Variants in SLC8A1 observed in about 807,000 individuals in gnomAD.
The protein encoded by SLC8A1 is solute carrier family 8 member A1, also known as sodium/calcium exchanger 1.
In SLC8A1, 18 loss-of-function variants were observed where a neutral mutation model predicts 68.3. The observed-to-expected ratio is 0.26, with a 90% CI of 0.18 to 0.39. The LOEUF (loss-of-function observed/expected upper bound fraction) is 0.39. SLC8A1 is among the 10% of genes least tolerant of loss of function. The pLI, the probability that SLC8A1 is intolerant of heterozygous loss-of-function variation, is 1.00. For missense variants in SLC8A1, 985 were observed against 1,156.7 expected, an observed-to-expected ratio of 0.85 and a Z score of 2.15; for synonymous variants, 475 against 415.5, an observed-to-expected ratio of 1.14 and a Z score of -1.74.
chr2:40,278,508 A>G (rs2067075738), intron 2 of SLC8A1, among the ~76,000 whole-genome samples: 2 of 151,892 alleles, frequency 1.3e-5, no homozygotes, highest in Non-Finnish European at 2.9e-5. Context: ...AAACAAAAAG[A>G]AAGAAAAGCC....
At chr2:40,467,429 T>C (rs1703754510) in intron 1 of SLC8A1, among the ~76,000 whole-genome samples, 1 of 152,152 alleles carries the variant, frequency 6.6e-6, no homozygotes, top group Admixed American at 6.6e-5. Flanking sequence ...TTAACTGCTA[T>C]TCAGTACAGA....
At chr2:40,235,671 A>G (rs1414112750) in intron 2 of SLC8A1, among the ~76,000 whole-genome samples, 2 of 151,718 alleles carry the variant, frequency 1.3e-5, no homozygotes, top group Non-Finnish European at 1.5e-5. Context: ...TTGCTTTTCT[A>G]GTTCTTTTAA....
chr2:40,337,565 A>C (rs1414438907), intron 2 of SLC8A1, among the ~76,000 whole-genome samples: 1 of 152,080 alleles, frequency 6.6e-6, no homozygotes, highest in Non-Finnish European at 1.5e-5. Flanking sequence ...AGTGGCACTC[A>C]ATGGTATTAC....
chr2:40,185,088 G>A (rs114083218), intron 2 of SLC8A1, among the ~76,000 whole-genome samples: 4,168 of 152,096 alleles, frequency 0.027, 218 homozygotes, highest in African/African-American at 0.095. Context: ...GGAAGACTAC[G>A]ATAAAAAAGA....
intron 1 of SLC8A1, among the ~76,000 whole-genome samples, chr2:40,451,614 T>C (rs931710231): frequency 2.0e-5 from 3 of 152,036 alleles, no homozygotes; most frequent in Non-Finnish European, 2.9e-5. Flanking sequence ...CAGCCCTTTC[T>C]TCCTCCGGCA....
At chr2:40,113,877 G>A (rs1182980398) in exon 8 of SLC8A1, 1 of 152,752 alleles carries the variant, frequency 6.5e-6, no homozygotes, top group East Asian at 1.9e-4. Flanking sequence ...TTTCCATGAA[G>A]ATCTTTGTAG....
At chr2:40,416,816 G>T (rs1431082318) in intron 2 of SLC8A1, among the ~76,000 whole-genome samples, 2 of 151,878 alleles carry the variant, frequency 1.3e-5, no homozygotes, top group African/African-American at 4.8e-5. Flanking sequence ...TGGTGCAAAA[G>T]TAACTGCTGG....
At chr2:40,134,639 C>G (rs1014928668) in intron 7 of SLC8A1, among the ~76,000 whole-genome samples, 4 of 152,192 alleles carry the variant, frequency 2.6e-5, no homozygotes, top group Non-Finnish European at 4.4e-5. Flanking sequence ...TAAAAATCAT[C>G]TACTTACCTC....
chr2:40,507,403 A>G (rs1706442033), intron 1 of SLC8A1, among the ~76,000 whole-genome samples: 1 of 152,072 alleles, frequency 6.6e-6, no homozygotes. Flanking sequence ...GTTAGTTCAT[A>G]AAGAGCATTT....
chr2:40,378,317 G>A (rs961123889), intron 2 of SLC8A1, among the ~76,000 whole-genome samples: 1 of 152,116 alleles, frequency 6.6e-6, no homozygotes, highest in Non-Finnish European at 1.5e-5. Flanking sequence ...AGAAGGGAGT[G>A]AGTTAAGCAG....
At chr2:40,195,714 A>C (rs911179405) in intron 2 of SLC8A1, 56 of 152,074 alleles carry the variant, frequency 3.7e-4, no homozygotes, top group African/African-American at 1.3e-3. Context: ...TCATGATGGG[A>C]AATGTCTTAT....
chr2:40,274,803 T>A (rs1440381167), intron 2 of SLC8A1, among the ~76,000 whole-genome samples: 1 of 152,178 alleles, frequency 6.6e-6, no homozygotes, highest in African/African-American at 2.4e-5. Context: ...CTACATATAA[T>A]CTGGTTGTTA....
chr2:40,115,354 G>C, exon 8 of SLC8A1: 1 of 1,614,138 alleles, frequency 6.2e-7, no homozygotes, highest in Non-Finnish European at 8.5e-7. Context: ...TTGGCAGTCC[G>C]GGGCCCACCC....
intron 1 of SLC8A1, among the ~76,000 whole-genome samples, chr2:40,441,888 A>C (rs536446714): frequency 6.6e-6 from 1 of 152,238 alleles, no homozygotes; most frequent in East Asian, 1.9e-4. Flanking sequence ...CACCAAAAGC[A>C]ATTCCAACAA....
intron 2 of SLC8A1, among the ~76,000 whole-genome samples, chr2:40,198,704 C>A (rs1051212048): frequency 6.6e-6 from 1 of 151,850 alleles, no homozygotes; most frequent in African/African-American, 2.4e-5. Flanking sequence ...ATGGTTTGAG[C>A]ATGCTCATGA....
At chr2:40,419,032 A>T (rs968414914) in intron 2 of SLC8A1, among the ~76,000 whole-genome samples, 1 of 152,236 alleles carries the variant, frequency 6.6e-6, no homozygotes, top group Non-Finnish European at 1.5e-5. Flanking sequence ...GTGACTAAAC[A>T]TACACACTGT....
chr2:40,406,175 G>T (rs764399141), intron 2 of SLC8A1, among the ~76,000 whole-genome samples: 1 of 152,040 alleles, frequency 6.6e-6, no homozygotes, highest in Non-Finnish European at 1.5e-5. Context: ...TTTAAATTCC[G>T]CATTTTCTCA....
In SLC8A1 at chr2:40,160,686, T is replaced by C. The variant is rs747366357; in HGVS notation, c.2161+79A>G. The C allele has an allele frequency of 3.1e-4, 390 of 1,278,238 alleles. 1 individual carries two copies. Among genetic ancestry groups the C allele is most frequent in the Non-Finnish European group, 4.0e-4 (350 of 877,120 alleles). 79.2% of individuals were successfully genotyped at this position (1,278,238 alleles called of 1,614,324 possible). ...ATGGAAGCCCTTTGGTGCTTTGCCA[T>C]AGACCAAGTAGCCACAGTAGGAAAA... On this transcript the variant is annotated intron_variant, in intron 6 of 7. Transcript: ENST00000406785.
chr2:40,316,214 A>G (rs2074427913), intron 2 of SLC8A1, among the ~76,000 whole-genome samples: 1 of 152,098 alleles, frequency 6.6e-6, no homozygotes, highest in African/African-American at 2.4e-5. Context: ...AATCACACTG[A>G]TATCATTCTG....
Sources: gnomAD v4.1 joint callset for allele counts (sites outside exome capture counted in the v4.1 genomes callset) on GRCh38, gnomAD v4.1.1 for gene constraint, MANE v1.5 for transcripts, NCBI Gene and HGNC (gene_info 2026-07-23, HGNC 2026-07-21) for gene names.